Variants in PDK3 observed in about 807,000 individuals in gnomAD.
PDK3 encodes the protein pyruvate dehydrogenase kinase 3, also known as pyruvate dehydrogenase kinase, isozyme 3.
In PDK3, 12 loss-of-function variants were observed where a neutral mutation model predicts 32.0. That is an observed-to-expected ratio of 0.37 (90% CI 0.24 to 0.61). The LOEUF is 0.61. Among genes scored for constraint, PDK3 ranks in the 20% least tolerant of loss-of-function variants. PDK3 has a pLI of 0.65. For missense variants in PDK3, 188 were observed against 316.9 expected (o/e 0.59, Z 3.09); for synonymous variants, 122 against 116.3 (o/e 1.05, Z -0.31).
Position 24,500,183 on chromosome X carries a change from A to G in PDK3, c.320+1283A>G, listed in dbSNP as rs190942084. On this transcript the variant is annotated intron_variant, in intron 3 of 10. Transcript: ENST00000379162. ...CCACAGATTGAAAAGATATTCAGGA[A>G]AAAAAAAAGCAATAAAAAATAACAA... is the stretch of plus-strand genomic sequence containing the variant. 5.0e-3 allele frequency among the ~76,000 whole-genome samples: 549 copies of G among 110,224 alleles called. 4 individuals carry two copies. Among genetic ancestry groups the G allele is most frequent in the African/African-American group, 0.017 (516 of 30,443 alleles).
At chrX:24,487,972 C>G (rs1921445525) in intron 1 of PDK3, among the ~76,000 whole-genome samples, 1 of 93,891 alleles carries the variant, frequency 1.1e-5, no homozygotes, top group South Asian at 5.4e-4. Context: ...CCATTGCACT[C>G]CAGCCTGGGC....
Position 24,528,111 on chromosome X carries a change from AATAG to A in PDK3, c.891_894del (p.Asp298ValfsTer44). The stretch of plus-strand genomic sequence containing the variant: ...TAGGTGGTGGTGTCCCACTTCGAAA[AATAG>A]ATCGTCTTTTTAACTACATGTATTC... On this transcript the variant is annotated frameshift_variant, in exon 9 of 11. Transcript: ENST00000379162. LOFTEE classifies it high-confidence loss of function. 1 of 1,200,963 alleles carries A rather than the reference AATAG, an allele frequency of 8.3e-7. No homozygotes were observed. Among genetic ancestry groups the A allele is most frequent in the Non-Finnish European group, 1.1e-6 (1 of 885,594 alleles).
At chrX:24,540,013 T>G (rs1368327683) in exon 12 of PDK3, among the ~76,000 whole-genome samples, 1 of 112,012 alleles carries the variant, frequency 8.9e-6, no homozygotes, top group Non-Finnish European at 1.9e-5. Flanking sequence ...GAATTGGAAG[T>G]TTCTGTATGA....
exon 12 of PDK3, among the ~76,000 whole-genome samples, chrX:24,543,435 A>AT (rs1569229818): frequency 9.1e-6 from 1 of 109,872 alleles, no homozygotes; most frequent in Non-Finnish European, 1.9e-5. Flanking sequence ...TTACAGTTTT[A>AT]TTTATTTTAT....
intron 5 of PDK3, among the ~76,000 whole-genome samples, chrX:24,516,230 G>A (rs917179742): frequency 9.0e-6 from 1 of 111,140 alleles, no homozygotes; most frequent in Non-Finnish European, 1.9e-5. Context: ...TACTTTGCAC[G>A]GTATTGATGT....
At chrX:24,519,658 C>T (rs953519868) in intron 6 of PDK3, among the ~76,000 whole-genome samples, 37 of 111,642 alleles carry the variant, frequency 3.3e-4, no homozygotes, top group African/African-American at 1.2e-3. Context: ...GCGTGAGCCA[C>T]CGTGCCCAGC....
chrX:24,494,304 A>G (rs1921645417), intron 1 of PDK3, among the ~76,000 whole-genome samples: 1 of 112,237 alleles, frequency 8.9e-6, no homozygotes, highest in Non-Finnish European at 1.9e-5. Flanking sequence ...AAATCTTAGG[A>G]AACAGTTGGC....
rs1379964721 is a variant in PDK3, at chrX:24,505,298, G to A, written c.595G>A (p.Asp199Asn). Residue 199 changes from aspartate (D) to asparagine (N), a missense_variant and splice_region_variant, in exon 5 of 11, where the codon GAT becomes AAT. Physicochemically the swap from Asp to Asn is conservative, Grantham distance 23 (BLOSUM62 1). Transcript: ENST00000379162. ...CTGTAACGTGGCGGATGTGGTGAAA[G>A]GTAAGGAGACCGTTGTAATGGTATC... ...PTCNVADVVK[D>N]AYETAKMLCE... is the part of the protein sequence containing the mutation. 8.6e-7 allele frequency: 1 copy of A among 1,168,761 alleles called. No individual in the cohort carries two copies. Among genetic ancestry groups the A allele is most frequent in the Non-Finnish European group, 1.2e-6 (1 of 859,686 alleles).
At chrX:24,540,018 G>T (rs1277981945) in exon 12 of PDK3, among the ~76,000 whole-genome samples, 1 of 111,878 alleles carries the variant, frequency 8.9e-6, no homozygotes, top group Non-Finnish European at 1.9e-5. Context: ...GGAAGTTTCT[G>T]TATGATGCGC....
downstream of PDK3, among the ~76,000 whole-genome samples, chrX:24,535,707 A>G (rs145325260): frequency 5.6e-4 from 61 of 109,121 alleles, no homozygotes; most frequent in African/African-American, 1.9e-3. Context: ...CTATTTTACA[A>G]CCTGCTTTTG....
intron 1 of PDK3, among the ~76,000 whole-genome samples, chrX:24,472,645 T>C (rs1300530989): frequency 1.8e-5 from 2 of 108,732 alleles, no homozygotes; most frequent in African/African-American, 6.7e-5. Flanking sequence ...AATTTTAAAT[T>C]ATATATATGG....
At chrX:24,520,176 G>A (rs1241489567) in intron 6 of PDK3, among the ~76,000 whole-genome samples, 2 of 111,809 alleles carry the variant, frequency 1.8e-5, no homozygotes, top group Non-Finnish European at 3.8e-5. Flanking sequence ...CTGGGCAATA[G>A]TTTGAAACCC....
chrX:24,529,929 C>T (rs562427065), intron 9 of PDK3, among the ~76,000 whole-genome samples: 1 of 111,816 alleles, frequency 8.9e-6, no homozygotes, highest in East Asian at 2.8e-4. Context: ...ATCCACCCAG[C>T]GAACTCCTGC....
chrX:24,476,243 G>T (rs1443143864), intron 1 of PDK3, among the ~76,000 whole-genome samples: 1 of 110,087 alleles, frequency 9.1e-6, no homozygotes, highest in African/African-American at 3.3e-5. Context: ...ATATCTGTGG[G>T]TTCCACATCC....
rs148751660 is a variant in PDK3, at chrX:24,533,092, C to T, written c.1078-837C>T. On this transcript the variant is annotated intron_variant, in intron 10 of 10. Coordinates refer to ENST00000379162, the MANE Select transcript of PDK3 (RefSeq NM_005391.5). ...GAAAAAATCAGAACTACTTCTGGTC[C>T]CAAGCATTTCTTTCTTTCTTTTCTT... 9.5e-3 allele frequency among the ~76,000 whole-genome samples: 1,042 copies of T among 109,849 alleles called. 16 individuals are homozygous for T. The highest frequency in any genetic ancestry group is 0.033 in the African/African-American group (996 of 30,392).
chrX:24,534,664 C>G (rs975060276), downstream of PDK3, among the ~76,000 whole-genome samples: 3 of 112,830 alleles, frequency 2.7e-5, no homozygotes, highest in African/African-American at 9.6e-5. Flanking sequence ...ATGGTAAGTT[C>G]TGGGCTGGGT....
At chrX:24,544,416 C>T (rs1376353794) in exon 12 of PDK3, among the ~76,000 whole-genome samples, 1 of 111,500 alleles carries the variant, frequency 9.0e-6, no homozygotes, top group Non-Finnish European at 1.9e-5. Flanking sequence ...CTTCTCGCCG[C>T]TCTTCCTCTT....
At chrX:24,493,205 C>T (rs1358780796) in intron 1 of PDK3, among the ~76,000 whole-genome samples, 2 of 110,779 alleles carry the variant, frequency 1.8e-5, no homozygotes, top group African/African-American at 6.6e-5. Context: ...AAAGATTTAC[C>T]AAAGGCCTTC....
intron 5 of PDK3, among the ~76,000 whole-genome samples, chrX:24,509,629 T>A (rs1458388554): frequency 9.0e-6 from 1 of 111,506 alleles, no homozygotes. Flanking sequence ...CCATGGTTTT[T>A]CATCTCTCAA....
Sources: allele counts gnomAD v4.1 joint callset (sites outside exome capture counted in the v4.1 genomes callset), GRCh38; gene constraint gnomAD v4.1.1; transcripts MANE v1.5; gene names NCBI Gene and HGNC (gene_info 2026-07-23, HGNC 2026-07-21).